The following GRIK2 variants were observed in gnomAD, a reference collection of about 807,000 sequenced individuals.
The protein encoded by GRIK2 is glutamate ionotropic receptor kainate type subunit 2.
Under a neutral mutation model 100.3 loss-of-function variants are expected in GRIK2, and 32 were observed. The ratio of observed to expected loss-of-function variants is 0.32; its 90% CI spans 0.24 to 0.43. The LOEUF (loss-of-function observed/expected upper bound fraction) is 0.43. Among genes scored for constraint, GRIK2 ranks in the 20% least tolerant of loss-of-function variants. GRIK2 has a pLI of 1.00. For missense variants in GRIK2, 843 were observed against 1,114.9 expected (o/e 0.76, Z 3.47); for synonymous variants, 417 against 389.4 (o/e 1.07, Z -0.83).
intron 2 of GRIK2, among the ~76,000 whole-genome samples, chr6:101,439,814 G>A (rs1769945538): frequency 6.6e-6 from 1 of 151,732 alleles, no homozygotes; most frequent in Non-Finnish European, 1.5e-5. Flanking sequence ...TAGAATTTTG[G>A]GCTATATAGG....
At chr6:101,544,043 TAAAC>T (rs967052585) in intron 2 of GRIK2, among the ~76,000 whole-genome samples, 2 of 151,206 alleles carry the variant, frequency 1.3e-5, no homozygotes, top group African/African-American at 2.5e-5. Context: ...TTACTTAAAA[TAAAC>T]AGACACTAGG....
chr6:101,519,300 CGTGTGTGTGTGTGTGTGT>C (rs55646921), intron 2 of GRIK2, among the ~76,000 whole-genome samples: 18 of 141,060 alleles, frequency 1.3e-4, no homozygotes, highest in African/African-American at 2.8e-4. Flanking sequence ...CGGAGTTAAA[CGTGTGTGTGTGTGTGTGT>C]GTGTGTGTGT....
chr6:101,839,740 A>G (rs1007656595), intron 10 of GRIK2, among the ~76,000 whole-genome samples: 1 of 152,134 alleles, frequency 6.6e-6, no homozygotes, highest in African/African-American at 2.4e-5. Flanking sequence ...TGTAAGATAT[A>G]TGGGGGAAAA....
chr6:101,518,022 A>G (rs886123602), intron 2 of GRIK2, among the ~76,000 whole-genome samples: 10 of 152,130 alleles, frequency 6.6e-5, no homozygotes, highest in African/African-American at 2.4e-4. Context: ...AGCCTTTCCA[A>G]CTTAAAGCTA....
At chr6:101,436,299 T>C (rs1769708379) in intron 2 of GRIK2, among the ~76,000 whole-genome samples, 1 of 152,122 alleles carries the variant, frequency 6.6e-6, no homozygotes, top group Non-Finnish European at 1.5e-5. Flanking sequence ...TATATTTTAT[T>C]CCTACAATAT....
At chr6:101,461,814 T>C (rs975836982) in intron 2 of GRIK2, among the ~76,000 whole-genome samples, 4 of 152,242 alleles carry the variant, frequency 2.6e-5, no homozygotes, top group African/African-American at 9.6e-5. Flanking sequence ...TTGGGTTAAA[T>C]TGGGATAAAG....
Position 101,813,142 on chromosome 6 carries a change from TACAC to T in GRIK2, c.1204-5212_1204-5209del, listed in dbSNP as rs771949838. The stretch of plus-strand genomic sequence containing the variant: ...ATAGACATATGTAAACATCCACATA[TACAC>T]ACACACACACACACATATACACACA... On this transcript the variant is annotated intron_variant, in intron 9 of 16. Transcript: ENST00000369134. Among the ~76,000 whole-genome samples the T allele has an allele frequency of 3.3e-5, 5 of 150,224 alleles. No homozygotes were observed. In the South Asian group the frequency reaches 6.3e-4, roughly 19 times the overall value.
intron 16 of GRIK2, among the ~76,000 whole-genome samples, chr6:102,058,352 G>C (rs1270656787): frequency 6.6e-6 from 1 of 151,528 alleles, no homozygotes; most frequent in Non-Finnish European, 1.5e-5. Flanking sequence ...CTATCTATTT[G>C]TCTATCTATT....
intron 14 of GRIK2, among the ~76,000 whole-genome samples, chr6:101,990,230 C>A (rs1323623147): frequency 1.5e-4 from 23 of 151,648 alleles, no homozygotes; most frequent in Non-Finnish European, 1.5e-5. Flanking sequence ...ACTTTACAGG[C>A]ATTTTTTCTT....
intron 14 of GRIK2, among the ~76,000 whole-genome samples, chr6:101,952,468 A>G (rs774664008): frequency 2.0e-5 from 3 of 151,846 alleles, no homozygotes; most frequent in Non-Finnish European, 4.4e-5. Flanking sequence ...GAGTTGAATT[A>G]TAGTTCCAAG....
chr6:101,512,983 TAC>T (rs79019186), intron 2 of GRIK2, among the ~76,000 whole-genome samples: 35,861 of 151,780 alleles, frequency 0.24, 5,078 homozygotes, highest in East Asian at 0.48. Flanking sequence ...TCTCACTTGT[TAC>T]AGTCTTTCCA....
intron 2 of GRIK2, among the ~76,000 whole-genome samples, chr6:101,531,974 A>G (rs1169768376): frequency 6.6e-6 from 1 of 151,930 alleles, no homozygotes; most frequent in Non-Finnish European, 1.5e-5. Context: ...TTTTATCTAT[A>G]TCCCAAAGCC....
intron 14 of GRIK2, among the ~76,000 whole-genome samples, chr6:101,980,214 G>A (rs768125692): frequency 1.3e-5 from 2 of 151,886 alleles, no homozygotes; most frequent in African/African-American, 2.4e-5. Flanking sequence ...TGTTCAAAGA[G>A]CAAATATTTT....
intron 10 of GRIK2, among the ~76,000 whole-genome samples, chr6:101,835,896 T>C (rs1424342764): frequency 7.7e-6 from 1 of 129,544 alleles, no homozygotes; most frequent in African/African-American, 2.6e-5. Flanking sequence ...GAATTTTCTT[T>C]ACCGATCTTC....
chr6:101,831,714 A>C (rs989958962), intron 10 of GRIK2, among the ~76,000 whole-genome samples: 2 of 152,066 alleles, frequency 1.3e-5, no homozygotes, highest in Non-Finnish European at 2.9e-5. Flanking sequence ...AGTTTTTGGC[A>C]TGTCCAATTC....
Position 101,830,047 on chromosome 6 carries a change from C to A in GRIK2, c.1317+11564C>A, listed in dbSNP as rs185031149. 4.1e-3 allele frequency among the ~76,000 whole-genome samples: 620 copies of A among 152,096 alleles called. 5 individuals carry two copies. The highest frequency in any genetic ancestry group is 0.014 in the African/African-American group (593 of 41,532). On this transcript the variant is annotated intron_variant, in intron 10 of 16. Transcript: ENST00000369134. ...AATAATACTACAAGGCTACAGTAAC[C>A]AAAACAGCATGGGATTGGTATAAAT...
In GRIK2 at chr6:102,038,986, A is replaced by T. The variant is rs138440100; in HGVS notation, c.2311+3420A>T. Among the ~76,000 whole-genome samples, 7 of 151,496 alleles carry T rather than the reference A, an allele frequency of 4.6e-5. No individual in the cohort carries two copies. The East Asian group carries it at 1.4e-3, about 30-fold the overall frequency. On this transcript the variant is annotated intron_variant, in intron 15 of 16. Transcript: ENST00000369134. ...TGAGGAGATTAAAACGGGAAATATT[A>T]TGAGTCTTTTTGAGTGGGAAATCAG...
At chr6:101,992,011 G>A (rs1291434226) in intron 14 of GRIK2, among the ~76,000 whole-genome samples, 1 of 151,618 alleles carries the variant, frequency 6.6e-6, no homozygotes, top group African/African-American at 2.4e-5. Context: ...TGGAAAAATG[G>A]TAGAAGTTTT....
chr6:101,977,704 T>C (rs932662644), intron 14 of GRIK2, among the ~76,000 whole-genome samples: 1 of 151,956 alleles, frequency 6.6e-6, no homozygotes, highest in African/African-American at 2.4e-5. Flanking sequence ...CGGAGGATTT[T>C]CTGGAAGGGA....
Sources: gnomAD v4.1 joint callset for allele counts (sites outside exome capture counted in the v4.1 genomes callset) on GRCh38, gnomAD v4.1.1 for gene constraint, MANE v1.5 for transcripts, NCBI Gene and HGNC (gene_info 2026-07-23, HGNC 2026-07-21) for gene names.